The following ALK variants were observed in gnomAD, a reference collection of about 807,000 sequenced individuals.
The protein encoded by ALK is ALK tyrosine kinase receptor.
ALK carries 74 observed loss-of-function variants against 163.1 expected under a neutral mutation model. The ratio of observed to expected loss-of-function variants is 0.45; its 90% CI spans 0.38 to 0.55. ALK has a LOEUF of 0.55. Ranked by LOEUF, ALK falls within the 20% of genes least tolerant of loss-of-function variation. ALK has a pLI of 0.00. For synonymous variants in ALK, 960 were observed against 843.2 expected, an observed-to-expected ratio of 1.14 and a Z score of -2.40; for missense variants, 2,063 against 2,105.3, an observed-to-expected ratio of 0.98 and a Z score of 0.39.
chr2:29,850,315 C>T (rs907230677), intron 1 of ALK, among the ~76,000 whole-genome samples: 5 of 152,076 alleles, frequency 3.3e-5, no homozygotes, highest in Admixed American at 1.3e-4. Context: ...ATGGCAGAGG[C>T]GGGGGCACTT....
intron 14 of ALK, among the ~76,000 whole-genome samples, 192 bp downstream of exon 14, chr2:29,233,373 T>C (rs1253419455): frequency 1.3e-5 from 2 of 152,226 alleles, no homozygotes; most frequent in East Asian, 1.9e-4. Context: ...CGTGAATTCC[T>C]GACCTCAAGT....
Position 29,921,403 on chromosome 2 carries a change from C to G in ALK, c.-744G>C. ...CCCGGCGGCAGCAGCTGAGGGCGTT[C>G]AGGGCAGGGGCGCCCGAAATCTTGC... On this transcript the variant is annotated 5_prime_UTR_variant, in exon 1 of 29. It removes the in-frame stop codon of an upstream open reading frame in the 5' UTR. Coordinates refer to ENST00000389048, the MANE Select transcript of ALK (RefSeq NM_004304.5). 4.3e-6 allele frequency: 1 copy of G among 232,752 alleles called. No individual in the cohort carries two copies. Among genetic ancestry groups the G allele is most frequent in the Non-Finnish European group, 8.5e-6 (1 of 117,690 alleles). 14.4% of individuals were successfully genotyped at this position (232,752 alleles called of 1,614,324 possible).
intron 5 of ALK, among the ~76,000 whole-genome samples, chr2:29,374,259 T>C (rs1668701964): frequency 6.6e-6 from 1 of 152,202 alleles, no homozygotes; most frequent in African/African-American, 2.4e-5. Context: ...AAAAAACCTA[T>C]AATTATGTAT....
At chr2:29,781,514 T>G (rs1427814687) in intron 1 of ALK, among the ~76,000 whole-genome samples, 1 of 152,188 alleles carries the variant, frequency 6.6e-6, no homozygotes, top group African/African-American at 2.4e-5. Context: ...TAGGCACACT[T>G]TTTAAGAAAC....
chr2:29,332,127 A>C (rs1417221258), intron 5 of ALK, among the ~76,000 whole-genome samples: 3 of 151,688 alleles, frequency 2.0e-5, no homozygotes, highest in Non-Finnish European at 4.4e-5. Context: ...TCTACTAAAA[A>C]TACAAAAAAT....
Position 29,855,381 on chromosome 2 carries a change from T to C in ALK, c.667+64612A>G, listed in dbSNP as rs111829105. Among the ~76,000 whole-genome samples, 717 of 152,206 alleles carry C rather than the reference T, an allele frequency of 4.7e-3. 3 individuals carry two copies. The highest frequency in any genetic ancestry group is 0.016 in the African/African-American group (684 of 41,534). The stretch of plus-strand genomic sequence containing the variant: ...GCCACCCTGATGCACAAGTAACTCA[T>C]CTCTTTATGCAGTGCCATGCTCATT... On this transcript the variant is annotated intron_variant, in intron 1 of 28. Transcript: ENST00000389048.
chr2:29,269,726 G>A (rs989935197), intron 11 of ALK, among the ~76,000 whole-genome samples: 1 of 152,174 alleles, frequency 6.6e-6, no homozygotes, highest in African/African-American at 2.4e-5. Flanking sequence ...CAGCTGAGCA[G>A]GGAAATGACC....
intron 5 of ALK, among the ~76,000 whole-genome samples, chr2:29,375,660 C>A (rs1417345433): frequency 1.3e-5 from 2 of 152,142 alleles, no homozygotes; most frequent in Non-Finnish European, 2.9e-5. Context: ...AAAACCCAAT[C>A]TATGTTCCAG....
At chr2:29,654,806 G>A (rs148330577) in intron 3 of ALK, among the ~76,000 whole-genome samples, 1 of 152,052 alleles carries the variant, frequency 6.6e-6, no homozygotes, top group Non-Finnish European at 1.5e-5. Context: ...ATTGATTACA[G>A]CCACATTCCC....
intron 10 of ALK, 55 bp downstream of exon 10, chr2:29,275,347 A>AGGCCATG: frequency 6.2e-7 from 1 of 1,608,222 alleles, no homozygotes. Flanking sequence ...GGGGACAATG[A>AGGCCATG]GGCCATGGGC....
At chr2:29,273,958 T>C (rs79937811) in intron 11 of ALK, among the ~76,000 whole-genome samples, 2,587 of 152,194 alleles carry the variant, frequency 0.017, 67 homozygotes, top group African/African-American at 0.059. Flanking sequence ...AGCTGCAGTT[T>C]TGTAGGACGG....
intron 9 of ALK, 60 bp downstream of exon 9, chr2:29,296,828 T>C (rs567835279): frequency 1.9e-6 from 3 of 1,609,222 alleles, no homozygotes; most frequent in African/African-American, 1.3e-5. Context: ...GAAGGCATGA[T>C]TTCTTTTTCA....
chr2:29,345,641 T>C (rs555342227), intron 5 of ALK, among the ~76,000 whole-genome samples: 4 of 152,008 alleles, frequency 2.6e-5, no homozygotes, highest in African/African-American at 4.8e-5. Flanking sequence ...CTTGAGGAAA[T>C]AGAGTTATCA....
At chr2:29,895,237 T>G (rs1667239028) in intron 1 of ALK, among the ~76,000 whole-genome samples, 1 of 152,210 alleles carries the variant, frequency 6.6e-6, no homozygotes, top group African/African-American at 2.4e-5. Context: ...AGTTGTTACT[T>G]GGGATGACCT....
chr2:29,822,792 AT>A (rs1665085143), intron 1 of ALK, among the ~76,000 whole-genome samples: 1 of 152,246 alleles, frequency 6.6e-6, no homozygotes, highest in African/African-American at 2.4e-5. Flanking sequence ...TGACTGTGTA[AT>A]GTGCAACGAA....
intron 1 of ALK, among the ~76,000 whole-genome samples, chr2:29,723,768 A>T (rs891436439): frequency 1.2e-4 from 19 of 152,222 alleles, no homozygotes; most frequent in African/African-American, 4.1e-4. Flanking sequence ...CAGTCATATC[A>T]TTCTTAAAAT....
chr2:29,589,097 G>T (rs183640256), intron 3 of ALK, among the ~76,000 whole-genome samples: 1 of 152,054 alleles, frequency 6.6e-6, no homozygotes, highest in African/African-American at 2.4e-5. Context: ...TCTCTGCAGC[G>T]TTCAACCACC....
chr2:29,910,030 T>C (rs1667661421), intron 1 of ALK, among the ~76,000 whole-genome samples: 1 of 148,220 alleles, frequency 6.7e-6, no homozygotes, highest in Non-Finnish European at 1.5e-5. Flanking sequence ...CAGGAAAATG[T>C]GACCTATTTC....
intron 4 of ALK, among the ~76,000 whole-genome samples, chr2:29,444,090 G>C (rs1670609999): frequency 6.6e-6 from 1 of 152,198 alleles, no homozygotes; most frequent in Non-Finnish European, 1.5e-5. Flanking sequence ...AACTACAGTA[G>C]AGAGCAACGT....
Sources: gnomAD v4.1 joint callset for allele counts (sites outside exome capture counted in the v4.1 genomes callset) on GRCh38, gnomAD v4.1.1 for gene constraint, MANE v1.5 for transcripts, NCBI Gene and HGNC (gene_info 2026-07-23, HGNC 2026-07-21) for gene names.